ATP6V0D1: variants seen among roughly 807,000 people sequenced by gnomAD.
ATP6V0D1 encodes the protein ATPase H+ transporting V0 subunit d1, also known as V-type proton ATPase subunit d 1.
In ATP6V0D1, 13 loss-of-function variants were observed where a neutral mutation model predicts 39.0. The observed-to-expected ratio is 0.33, with a 90% CI of 0.22 to 0.53. ATP6V0D1 has a LOEUF of 0.53. ATP6V0D1 is among the 20% of genes least tolerant of loss of function. The pLI is 0.94. For synonymous variants in ATP6V0D1, 191 were observed against 191.2 expected, an observed-to-expected ratio of 1.00 and a Z score of 0.01; for missense variants, 272 against 470.9, an observed-to-expected ratio of 0.58 and a Z score of 3.91.
At chr16:67,476,723 T>C (rs2142336326) in intron 1 of ATP6V0D1, among the ~76,000 whole-genome samples, 1 of 152,176 alleles carries the variant, frequency 6.6e-6, no homozygotes, top group African/African-American at 2.4e-5. Flanking sequence ...AAACTAGGTA[T>C]TATGTGCCTC....
intron 1 of ATP6V0D1, among the ~76,000 whole-genome samples, chr16:67,476,656 G>A (rs985181300): frequency 2.0e-5 from 3 of 152,232 alleles, no homozygotes; most frequent in Middle Eastern, 3.4e-3. Flanking sequence ...TGCAACCCCC[G>A]ATGAAACGAT....
chr16:67,445,256 G>C (rs552242462), intron 2 of ATP6V0D1, among the ~76,000 whole-genome samples: 1 of 152,356 alleles, frequency 6.6e-6, no homozygotes, highest in South Asian at 2.1e-4. Flanking sequence ...CAGCAGGCGG[G>C]GGGCAGAGGC....
chr16:67,462,363 G>A (rs1013522951), intron 1 of ATP6V0D1, among the ~76,000 whole-genome samples: 5 of 152,354 alleles, frequency 3.3e-5, no homozygotes, highest in African/African-American at 1.2e-4. Context: ...TGCCACCACG[G>A]TTATAGAACC....
In ATP6V0D1 at chr16:67,453,453, G is replaced by C. The variant is rs2041204086; in HGVS notation, c.302+91C>G. ...CTCTGACAGCTGACACAGGCACGAAGGCAGCTAGCCTAAGCCACACTGAAC... is the reference window on the plus strand; with the variant it reads ...CTCTGACAGCTGACACAGGCACGAACGCAGCTAGCCTAAGCCACACTGAAC... On this transcript the variant is annotated intron_variant, in intron 2 of 7. Transcript: ENST00000290949. The surrounding 1 kb of genome is among the most constrained non-coding windows in gnomAD (Gnocchi z 4.1). The C allele has an allele frequency of 6.7e-7, 1 of 1,483,622 alleles. No individual in the cohort carries two copies. Among genetic ancestry groups the C allele is most frequent in the Admixed American group, 1.9e-5 (1 of 53,982 alleles). 91.9% of individuals were successfully genotyped at this position (1,483,622 alleles called of 1,614,324 possible).
intron 1 of ATP6V0D1, among the ~76,000 whole-genome samples, chr16:67,460,401 A>G (rs1361760966): frequency 1.3e-5 from 2 of 151,786 alleles, no homozygotes; most frequent in African/African-American, 2.4e-5. Flanking sequence ...CTTTTTTTTC[A>G]TATCAGCTCC....
At chr16:67,439,447 C>A in intron 4 of ATP6V0D1, 96 bp from the exon 5 acceptor site, 1 of 1,216,048 alleles carries the variant, frequency 8.2e-7, no homozygotes, top group Admixed American at 1.9e-5. Flanking sequence ...CCTCCCTAGC[C>A]CCTTTCAAGG....
chr16:67,451,154 C>CA (rs998152734), intron 2 of ATP6V0D1, among the ~76,000 whole-genome samples: 20 of 152,166 alleles, frequency 1.3e-4, no homozygotes, highest in Non-Finnish European at 1.5e-4. Context: ...GATGACCCCC[C>CA]ACTCAAGGCT....
At chr16:67,477,796 C>T (rs1369766403) in intron 1 of ATP6V0D1, among the ~76,000 whole-genome samples, 5 of 152,088 alleles carry the variant, frequency 3.3e-5, no homozygotes, top group Non-Finnish European at 5.9e-5. Context: ...CCTCAGCCTC[C>T]GGAGTAGCTG....
chr16:67,443,816 C>A (rs2041083094), intron 3 of ATP6V0D1, among the ~76,000 whole-genome samples: 1 of 152,242 alleles, frequency 6.6e-6, no homozygotes, highest in Admixed American at 6.5e-5. Context: ...CTACGGCAGA[C>A]AAGGTCAGCA....
At chr16:67,468,532 G>A (rs2041348176) in intron 1 of ATP6V0D1, among the ~76,000 whole-genome samples, 1 of 150,938 alleles carries the variant, frequency 6.6e-6, no homozygotes, top group Non-Finnish European at 1.5e-5. Context: ...AGGCTGCGGT[G>A]AGTTGTGTTT....
At chr16:67,466,160 C>T (rs149890082) in intron 1 of ATP6V0D1, among the ~76,000 whole-genome samples, 4 of 152,232 alleles carry the variant, frequency 2.6e-5, no homozygotes, top group Non-Finnish European at 5.9e-5. Flanking sequence ...CAGGTACCCA[C>T]AGAGCTATGC....
intron 1 of ATP6V0D1, among the ~76,000 whole-genome samples, chr16:67,459,514 C>A (rs1349342020): frequency 6.6e-6 from 1 of 152,248 alleles, no homozygotes; most frequent in African/African-American, 2.4e-5. Context: ...ACCCCTATCA[C>A]CCTAGCCCTT....
chr16:67,438,149 G>C lies in ATP6V0D1; in HGVS notation c.*379C>G. On this transcript the variant is annotated 3_prime_UTR_variant, in exon 8 of 8. Coordinates refer to ENST00000290949, the MANE Select transcript of ATP6V0D1 (RefSeq NM_004691.5). ...TCCCATGGGCCATGGCTCTGGGAGC[G>C]ACCCACAGAAGGGAGAGGAGGCTCA... The C allele has an allele frequency of 4.0e-6, 1 of 249,554 alleles. No individual in the cohort carries two copies. Among genetic ancestry groups the C allele is most frequent in the African/African-American group, 2.3e-5 (1 of 44,236 alleles). 15.5% of individuals were successfully genotyped at this position (249,554 alleles called of 1,614,324 possible). A position where few individuals can be genotyped will look rare whatever the true frequency, so the allele number is the denominator to read the frequency against.
Position 67,480,995 on chromosome 16 carries a change from GC to G in ATP6V0D1, c.91del (p.Ala31ProfsTer12). The G allele has an allele frequency of 6.2e-7, 1 of 1,614,162 alleles. No homozygotes were observed. Among genetic ancestry groups the G allele is most frequent in the Non-Finnish European group, 8.5e-7 (1 of 1,179,996 alleles). On this transcript the variant is annotated frameshift_variant, in exon 1 of 8. Transcript: ENST00000290949. LOFTEE classifies it high-confidence loss of function. ...GCACTGCACCAGGTTGAGGTAGTCG[GC>G]CTGGCTGAGCACCCCGGCCTTCAGG... is the stretch of plus-strand genomic sequence containing the variant. ...RGLKAGVLSQ[A>X]DYLNLVQCET...
At chr16:67,465,957 C>A (rs972459237) in intron 1 of ATP6V0D1, among the ~76,000 whole-genome samples, 1 of 152,112 alleles carries the variant, frequency 6.6e-6, no homozygotes, top group African/African-American at 2.4e-5. Flanking sequence ...TCCCCAGGCT[C>A]CTTGAGAAGT....
chr16:67,440,755 G>C (rs927478249), intron 4 of ATP6V0D1: 1 of 152,314 alleles, frequency 6.6e-6, no homozygotes, highest in Non-Finnish European at 1.5e-5. Context: ...CCAACTCAGG[G>C]GAAGGCCTGA....
At chr16:67,449,845 A>T (rs981023519) in intron 2 of ATP6V0D1, among the ~76,000 whole-genome samples, 12 of 152,330 alleles carry the variant, frequency 7.9e-5, no homozygotes, top group Non-Finnish European at 1.6e-4. Flanking sequence ...TGTGCGGCTG[A>T]AGGCTGGCCA....
Position 67,438,885 on chromosome 16 carries a change from G to C in ATP6V0D1, c.817-15C>G, listed in dbSNP as rs66719440. 1.2e-5 allele frequency: 20 copies of C among 1,613,406 alleles called. No homozygotes were observed. The highest frequency in any genetic ancestry group is 4.0e-5 in the African/African-American group (3 of 75,002). ...AGCTTGTACTCCTGGCCAGGGGGGT[G>C]GGGGGAAGCACAAGCATGAGGGTTC... On this transcript the variant is annotated splice_polypyrimidine_tract_variant and intron_variant, in intron 6 of 7. Transcript: ENST00000290949.
chr16:67,439,507 C>G, intron 4 of ATP6V0D1, 156 bp from the exon 5 acceptor site: 4 of 668,764 alleles, frequency 6.0e-6, no homozygotes. Context: ...TACAGCAAAG[C>G]CAATGAAACA....
Sources: allele counts gnomAD v4.1 joint callset (sites outside exome capture counted in the v4.1 genomes callset), GRCh38; gene constraint gnomAD v4.1.1; non-coding constraint Gnocchi (gnomAD v3.1); transcripts MANE v1.5; gene names NCBI Gene and HGNC (gene_info 2026-07-23, HGNC 2026-07-21).